Variants in CCND2 observed in about 807,000 individuals in gnomAD.
CCND2 encodes cyclin D2, also known as G1/S-specific cyclin-D2.
Under a neutral mutation model 30.2 loss-of-function variants are expected in CCND2, and 6 were observed. That is an observed-to-expected ratio of 0.20 (90% confidence interval 0.11 to 0.39). The LOEUF (loss-of-function observed/expected upper bound fraction) is 0.39, where lower values mean the gene tolerates loss of function less well. Among genes scored for constraint, CCND2 ranks in the 10% least tolerant of loss-of-function variants. The pLI, the probability that CCND2 is intolerant of heterozygous loss-of-function variation, is 1.00. For synonymous variants in CCND2, 150 were observed against 153.1 expected, an observed-to-expected ratio of 0.98 and a Z score of 0.15; for missense variants, 235 against 373.4, an observed-to-expected ratio of 0.63 and a Z score of 3.06.
chr12:4,276,330 C>T lies in CCND2; in HGVS notation c.411+110C>T. On this transcript the variant is annotated intron_variant, in intron 2 of 4. Transcript: ENST00000261254. The surrounding 1 kb of genome is among the most constrained non-coding windows in gnomAD (Gnocchi z 4.8). ...AGCAAATTCTTGGGATCCAGAATGACCCCACCAATAGAATTTACCCACTTA... is the reference window on the plus strand; with the variant it reads ...AGCAAATTCTTGGGATCCAGAATGATCCCACCAATAGAATTTACCCACTTA... 1.2e-6 allele frequency: 1 copy of T among 848,836 alleles called. No homozygotes were observed. The highest frequency in any genetic ancestry group is 1.8e-6 in the Non-Finnish European group (1 of 544,274). 52.6% of individuals were successfully genotyped at this position (848,836 alleles called of 1,614,324 possible).
At position 4,301,619 on chromosome 12, in the gene CCND2, G is replaced by C; in HGVS notation, c.*1610G>C. 1 of 231,232 alleles carries C rather than the reference G, an allele frequency of 4.3e-6. No homozygotes were observed. Among genetic ancestry groups the C allele is most frequent in the Non-Finnish European group, 8.5e-6 (1 of 117,184 alleles). 14.3% of individuals were successfully genotyped at this position (231,232 alleles called of 1,614,324 possible). On this transcript the variant is annotated 3_prime_UTR_variant, in exon 5 of 5. Coordinates refer to ENST00000261254, the MANE Select transcript of CCND2 (RefSeq NM_001759.4). ...CAGATTCTGCCTTGTTTCATAGTAT[G>C]AGGGTTGAAGACGGAAAACAATCTA...
In CCND2 at chr12:4,274,260, AGGAGCCAGGACCCCTCC is replaced by A; in HGVS notation, c.195+29_195+45del. On this transcript the variant is annotated intron_variant, in intron 1 of 4. Transcript: ENST00000261254. The surrounding 1 kb of genome is among the most constrained non-coding windows in gnomAD (Gnocchi z 7.7). ...GGTAGGTCGGGGGGTGGCGCTCGCC[AGGAGCCAGGACCCCTCC>A]GGATGCTCGGGTCCCCGGCCGGAGC... 1.2e-6 allele frequency: 2 copies of A among 1,611,464 alleles called. No homozygotes were observed. Among genetic ancestry groups the A allele is most frequent in the Non-Finnish European group, 1.7e-6 (2 of 1,178,430 alleles).
At position 4,274,300 on chromosome 12, in the gene CCND2, A is replaced by G; in HGVS notation, c.195+65A>G. On this transcript the variant is annotated intron_variant, in intron 1 of 4. Transcript: ENST00000261254. The surrounding 1 kb of genome is among the most constrained non-coding windows in gnomAD (Gnocchi z 7.7). ...TCCGGATGCTCGGGTCCCCGGCCGG[A>G]GCCCTAAACCTGGGAGAGGGCAATC... is the stretch of plus-strand genomic sequence containing the variant. 9.6e-6 allele frequency: 15 copies of G among 1,562,368 alleles called. No individual in the cohort carries two copies. The highest frequency in any genetic ancestry group is 1.3e-5 in the Non-Finnish European group (15 of 1,142,102).
intron 4 of CCND2, among the ~76,000 whole-genome samples, chr12:4,295,788 A>C (rs574983810): frequency 6.6e-6 from 1 of 152,336 alleles, no homozygotes; most frequent in East Asian, 1.9e-4. Flanking sequence ...AAACAAAACA[A>C]AAGCTGGCCG....
In CCND2 at chr12:4,274,348, TG is replaced by T. The variant is rs1252777642; in HGVS notation, c.195+114del. The stretch of plus-strand genomic sequence containing the variant: ...ATCCCCGCGCCGGCCTCCCGGCTCC[TG>T]TGCGGGAGTTTACCGCGCGCCTTCT... On this transcript the variant is annotated intron_variant, in intron 1 of 4. Transcript: ENST00000261254. The surrounding 1 kb of genome is among the most constrained non-coding windows in gnomAD (Gnocchi z 7.7). 73 of 1,147,888 alleles carry T rather than the reference TG, an allele frequency of 6.4e-5. No individual in the cohort carries two copies. The highest frequency in any genetic ancestry group is 8.1e-5 in the Non-Finnish European group (64 of 794,124). The allele number at this position is 1,147,888 out of a possible 1,614,324, so 71.1% of individuals were successfully genotyped here.
chr12:4,295,928 T>TA (rs1864162724), intron 4 of CCND2, among the ~76,000 whole-genome samples: 1 of 152,212 alleles, frequency 6.6e-6, no homozygotes, highest in Admixed American at 6.5e-5. Flanking sequence ...GGCTGGAACT[T>TA]ACATAAAACA....
At position 4,299,177 on chromosome 12, in the gene CCND2, T is replaced by C. The variant is rs558722749; in HGVS notation, c.721-683T>C. Among the ~76,000 whole-genome samples, 78 of 151,988 alleles carry C rather than the reference T, an allele frequency of 5.1e-4. No homozygotes were observed. Among genetic ancestry groups the C allele is most frequent in the African/African-American group, 1.7e-3 (72 of 41,434 alleles). On this transcript the variant is annotated intron_variant, in intron 4 of 4. Coordinates refer to ENST00000261254, the MANE Select transcript of CCND2 (RefSeq NM_001759.4). This position sits in a 1 kb window ranked among gnomAD's most constrained non-coding sequence, Gnocchi z 5.2. ...GAGTTCGAGGCCAGCCTGGCCAATA[T>C]GGTGAAACCCTGTCTGTACTAAAAA... is the stretch of plus-strand genomic sequence containing the variant.
At chr12:4,279,063 T>C in intron 3 of CCND2, 144 bp downstream of exon 3, 1 of 720,072 alleles carries the variant, frequency 1.4e-6, no homozygotes, top group Non-Finnish European at 2.2e-6. Flanking sequence ...GTCTGAAGTT[T>C]CATTCCTGGG....
intron 4 of CCND2, among the ~76,000 whole-genome samples, chr12:4,297,584 A>AC (rs796904833): frequency 1.3e-5 from 2 of 149,958 alleles, no homozygotes; most frequent in East Asian, 2.4e-4. Flanking sequence ...AAAAAAAAAA[A>AC]AAAAAAAAAA....
At chr12:4,283,702 C>T (rs968588908) in intron 3 of CCND2, among the ~76,000 whole-genome samples, 1 of 152,222 alleles carries the variant, frequency 6.6e-6, no homozygotes, top group Non-Finnish European at 1.5e-5. Context: ...AAGGTGTGTC[C>T]TTTGCCTCCA....
In CCND2 at chr12:4,285,750, C is replaced by T. The variant is rs552123470; in HGVS notation, c.572-3092C>T. 6.6e-6 allele frequency among the ~76,000 whole-genome samples: 1 copy of T among 152,344 alleles called. No individual in the cohort carries two copies. Among genetic ancestry groups the T allele is most frequent in the East Asian group, 1.9e-4 (1 of 5,188 alleles). ...GTTGAGGGTGGGGGTTGGCTAATTA[C>T]AGCTAGGAAGCTAGTGCACAGATGA... On this transcript the variant is annotated intron_variant, in intron 3 of 4. Transcript: ENST00000261254. The surrounding 1 kb of genome is among the most constrained non-coding windows in gnomAD (Gnocchi z 4.1).
chr12:4,290,585 C>T (rs976184533), intron 4 of CCND2, among the ~76,000 whole-genome samples: 2 of 150,590 alleles, frequency 1.3e-5, no homozygotes, highest in African/African-American at 2.5e-5. Context: ...GCGGCCACCC[C>T]CCTCCTCCTG....
intron 4 of CCND2, among the ~76,000 whole-genome samples, chr12:4,296,824 C>A (rs1433504487): frequency 6.6e-6 from 1 of 151,768 alleles, no homozygotes; most frequent in Non-Finnish European, 1.5e-5. Flanking sequence ...AGAAAAAAAA[C>A]AAAACAAAAA....
At chr12:4,289,489 G>T (rs541786027) in intron 4 of CCND2, among the ~76,000 whole-genome samples, 1 of 152,150 alleles carries the variant, frequency 6.6e-6, no homozygotes, top group Admixed American at 6.5e-5. Flanking sequence ...ACCCCTCCCC[G>T]CTCTCTCTTC....
At chr12:4,288,262 G>T (rs900060454) in intron 3 of CCND2, among the ~76,000 whole-genome samples, 1 of 148,526 alleles carries the variant, frequency 6.7e-6, no homozygotes, top group Non-Finnish European at 1.5e-5. Context: ...TTGGGTGGGG[G>T]TCATATTAAT....
chr12:4,299,507 C>T lies in CCND2; in HGVS notation c.721-353C>T, dbSNP rs3217916. Among the ~76,000 whole-genome samples the T allele has an allele frequency of 0.64, 97,125 of 151,944 alleles. 32,530 individuals are homozygous for T. The highest frequency in any genetic ancestry group is 0.81 in the Middle Eastern group (238 of 294). Reference sequence around the variant, plus strand: ...CTTCCCCAGGCAGAAAGCATCTGGTCGGCCCCTTGATTACCAGGCATCCAT... The same window carrying T: ...CTTCCCCAGGCAGAAAGCATCTGGTTGGCCCCTTGATTACCAGGCATCCAT... On this transcript the variant is annotated intron_variant, in intron 4 of 4. Transcript: ENST00000261254. This position sits in a 1 kb window ranked among gnomAD's most constrained non-coding sequence, Gnocchi z 5.2.
At position 4,276,190 on chromosome 12, in the gene CCND2, C is replaced by A; in HGVS notation, c.381C>A (p.Thr127=). ...PLTAEKLCIY[T]DNSIKPQELL... is the part of the protein sequence containing the mutation. ...CCGCGGAGAAGCTGTGCATTTACAC[C>A]GACAACTCCATCAAGCCTCAGGAGC... Residue 127 remains threonine (T), a synonymous_variant, in exon 2 of 5, where the codon ACC becomes ACA. Coordinates refer to ENST00000261254, the MANE Select transcript of CCND2 (RefSeq NM_001759.4). The surrounding 1 kb of genome is among the most constrained non-coding windows in gnomAD (Gnocchi z 4.8). The A allele has an allele frequency of 6.2e-7, 1 of 1,614,118 alleles. No individual in the cohort carries two copies. Among genetic ancestry groups the A allele is most frequent in the Non-Finnish European group, 8.5e-7 (1 of 1,179,990 alleles).
At position 4,293,985 on chromosome 12, in the gene CCND2, A is replaced by G. The variant is rs1223379913; in HGVS notation, c.720+4995A>G. Reference sequence around the variant, plus strand: ...AAGGAAATAAGCCAAACAGCCTGTGAAGAAAGGAAGAATGAGATAGTTTCC... The same window carrying G: ...AAGGAAATAAGCCAAACAGCCTGTGGAGAAAGGAAGAATGAGATAGTTTCC... On this transcript the variant is annotated intron_variant, in intron 4 of 4. Coordinates refer to ENST00000261254, the MANE Select transcript of CCND2 (RefSeq NM_001759.4). The surrounding 1 kb of genome is among the most constrained non-coding windows in gnomAD (Gnocchi z 4.9). Among the ~76,000 whole-genome samples the G allele has an allele frequency of 6.6e-6, 1 of 152,142 alleles. No individual in the cohort carries two copies. Among genetic ancestry groups the G allele is most frequent in the Non-Finnish European group, 1.5e-5 (1 of 68,028 alleles).
In CCND2 at chr12:4,276,084, C is replaced by G; in HGVS notation, c.275C>G (p.Pro92Arg). 1 of 1,613,898 alleles carries G rather than the reference C, an allele frequency of 6.2e-7. No homozygotes were observed. Among genetic ancestry groups the G allele is most frequent in the Non-Finnish European group, 8.5e-7 (1 of 1,179,966 alleles). The change falls in exon 2 of 5, where the codon CCG becomes CGG. Residue 92 changes from proline (P) to arginine (R), a missense_variant. Transcript: ENST00000261254. This position sits in a 1 kb window ranked among gnomAD's most constrained non-coding sequence, Gnocchi z 4.8. ...NYLDRFLAGV[P>R]TPKSHLQLLG... is the part of the protein sequence containing the mutation. ...CTGGACCGTTTCTTGGCTGGGGTCCCGACTCCGAAGTCCCATCTGCAACTC... is the reference window on the plus strand; with the variant it reads ...CTGGACCGTTTCTTGGCTGGGGTCCGGACTCCGAAGTCCCATCTGCAACTC...
Sources: allele counts gnomAD v4.1 joint callset (sites outside exome capture counted in the v4.1 genomes callset), GRCh38; gene constraint gnomAD v4.1.1; non-coding constraint Gnocchi (gnomAD v3.1); transcripts MANE v1.5; gene names NCBI Gene and HGNC (gene_info 2026-07-23, HGNC 2026-07-21).